Variants in MTA3 observed in about 807,000 individuals in gnomAD.
The protein encoded by MTA3 is metastasis-associated protein MTA3.
In MTA3, 34 loss-of-function variants were observed where a neutral mutation model predicts 83.5. The ratio of observed to expected loss-of-function variants is 0.41; its 90% confidence interval spans 0.31 to 0.54. MTA3 has a LOEUF of 0.54. MTA3 is among the 20% of genes least tolerant of loss of function. The pLI is 0.33. For missense variants in MTA3, 761 were observed against 726.4 expected (o/e 1.05, Z -0.55); for synonymous variants, 303 against 252.7 (o/e 1.20, Z -1.89).
chr2:42,670,623 C>T (rs1399251051), intron 8 of MTA3, among the ~76,000 whole-genome samples: 1 of 151,824 alleles, frequency 6.6e-6, no homozygotes, highest in African/African-American at 2.4e-5. Flanking sequence ...GTAAACTGGC[C>T]CCTTCTGATT....
At chr2:42,567,516 G>A (rs1677970665), upstream of MTA3, among the ~76,000 whole-genome samples, 1 of 152,094 alleles carries the variant, frequency 6.6e-6, no homozygotes. Context: ...TTCCAAACAA[G>A]CCACCACACC....
chr2:42,681,962 TTTGGGAGGCTATA>T (rs1298734634), intron 8 of MTA3, among the ~76,000 whole-genome samples: 1 of 151,710 alleles, frequency 6.6e-6, no homozygotes, highest in African/African-American at 2.4e-5. Flanking sequence ...ATCCTAGTGC[TTTGGGAGGCTATA>T]GTGGGAGGAT....
At chr2:42,542,310 C>T (rs916559463) in intron 2 of MTA3, among the ~76,000 whole-genome samples, 8 of 152,086 alleles carry the variant, frequency 5.3e-5, no homozygotes, top group Admixed American at 2.6e-4. Flanking sequence ...CAATGCAAGT[C>T]GTGGGCTTTC....
In MTA3 at chr2:42,687,186, C is replaced by T. The variant is rs984997577; in HGVS notation, c.891+4597C>T. Among the ~76,000 whole-genome samples, 5 of 152,112 alleles carry T rather than the reference C, an allele frequency of 3.3e-5. No homozygotes were observed. In the South Asian group the frequency reaches 8.3e-4, roughly 25 times the overall value. On this transcript the variant is annotated intron_variant, in intron 9 of 16. Transcript: ENST00000405094. The stretch of plus-strand genomic sequence containing the variant: ...CACAGTACAGTTTCATCACCTCTCC[C>T]GTCAAGTCTCCCCTTTTATAGTCAA...
At chr2:42,603,483 A>G (rs745566614) in intron 3 of MTA3, among the ~76,000 whole-genome samples, 114 of 152,206 alleles carry the variant, frequency 7.5e-4, no homozygotes, top group Non-Finnish European at 1.1e-3. Flanking sequence ...TGCCCGATGC[A>G]GTGTTCTTTG....
intron 3 of MTA3, among the ~76,000 whole-genome samples, chr2:42,607,195 G>A (rs947232249): frequency 6.6e-6 from 1 of 152,026 alleles, no homozygotes; most frequent in Non-Finnish European, 1.5e-5. Flanking sequence ...TGGATACAAA[G>A]ATAAGTGACC....
chr2:42,564,185 C>T (rs1459323547), upstream of MTA3, among the ~76,000 whole-genome samples: 3 of 152,266 alleles, frequency 2.0e-5, no homozygotes, highest in South Asian at 2.1e-4. Context: ...TTAGGTTAAC[C>T]ACCCAGAGGC....
At chr2:42,705,493 T>A (rs1273772346) in intron 12 of MTA3, among the ~76,000 whole-genome samples, 5 of 151,700 alleles carry the variant, frequency 3.3e-5, no homozygotes, top group Non-Finnish European at 5.9e-5. Flanking sequence ...TCACCTGAGG[T>A]CAGGAGTTCG....
At chr2:42,635,393 C>T (rs577828818) in intron 4 of MTA3, among the ~76,000 whole-genome samples, 5 of 152,034 alleles carry the variant, frequency 3.3e-5, no homozygotes, top group South Asian at 2.1e-4. Context: ...TTTGGGAGGC[C>T]GAGGCGGGTG....
In MTA3 at chr2:42,754,412, GAC is replaced by G. The variant is rs1670100619; in HGVS notation, c.*1014_*1015del. On this transcript the variant is annotated 3_prime_UTR_variant, in exon 17 of 17. Coordinates refer to ENST00000405094, the MANE Select transcript of MTA3 (RefSeq NM_001330442.2). ...AGCCCAACATCTTGTGAGCACATGT[GAC>G]CTAGGCCCCGGGGGACCTGCCTGCT... 12 of 985,392 alleles carry G rather than the reference GAC, an allele frequency of 1.2e-5. No individual in the cohort carries two copies. In the South Asian group the frequency reaches 4.7e-4, roughly 39 times the overall value. The allele number at this position is 985,392 out of a possible 1,614,324, so 61.0% of individuals were successfully genotyped here.
At chr2:42,682,624 A>T in intron 9 of MTA3, 35 bp downstream of exon 9, 1 of 1,542,584 alleles carries the variant, frequency 6.5e-7, no homozygotes, top group East Asian at 2.3e-5. Context: ...TAAAATGTTG[A>T]GATGGGAATA....
At chr2:42,539,150 G>A (rs559888618) in intron 2 of MTA3, among the ~76,000 whole-genome samples, 67 of 152,160 alleles carry the variant, frequency 4.4e-4, no homozygotes, top group Non-Finnish European at 7.8e-4. Flanking sequence ...CTTTAGGTTA[G>A]TTCCTTAGTT....
chr2:42,528,227 CTT>C (rs35269830), intron 2 of MTA3, among the ~76,000 whole-genome samples: 4 of 146,132 alleles, frequency 2.7e-5, no homozygotes, highest in Admixed American at 6.9e-5. Context: ...GCCCGGCCCC[CTT>C]TTTTTTTTGG....
intron 2 of MTA3, among the ~76,000 whole-genome samples, chr2:42,501,038 C>G (rs1340006178): frequency 6.6e-6 from 1 of 152,126 alleles, no homozygotes; most frequent in Non-Finnish European, 1.5e-5. Flanking sequence ...TCTCCATCTC[C>G]TGACCTCATG....
intron 14 of MTA3, among the ~76,000 whole-genome samples, chr2:42,713,291 C>T (rs1438632903): frequency 6.6e-6 from 1 of 152,166 alleles, no homozygotes; most frequent in East Asian, 1.9e-4. Context: ...GGAAGTATCT[C>T]AAGACCCCAC....
intron 12 of MTA3, 143 bp from the exon 13 acceptor site, chr2:42,707,760 A>T (rs999251088): frequency 1.4e-5 from 12 of 851,506 alleles, no homozygotes; most frequent in Admixed American, 1.0e-4. Flanking sequence ...AAACAAATAT[A>T]CTATTATGTT....
intron 8 of MTA3, among the ~76,000 whole-genome samples, chr2:42,666,958 GTGA>G (rs1188618584): frequency 1.3e-5 from 2 of 152,198 alleles, no homozygotes; most frequent in Non-Finnish European, 2.9e-5. Flanking sequence ...ATCACTAAGA[GTGA>G]TGTGTATATG....
intron 11 of MTA3, among the ~76,000 whole-genome samples, chr2:42,698,962 C>T (rs1466679189): frequency 2.6e-5 from 4 of 152,086 alleles, no homozygotes; most frequent in Admixed American, 6.6e-5. Context: ...AAATAAAATA[C>T]TGTTGCAACT....
intron 3 of MTA3, among the ~76,000 whole-genome samples, chr2:42,593,840 G>C (rs535687788): frequency 6.6e-6 from 1 of 152,046 alleles, no homozygotes. Context: ...TATATGCATT[G>C]TGATTTTGAC....
Sources: allele counts gnomAD v4.1 joint callset (sites outside exome capture counted in the v4.1 genomes callset), GRCh38; gene constraint gnomAD v4.1.1; transcripts MANE v1.5; gene names NCBI Gene and HGNC (gene_info 2026-07-23, HGNC 2026-07-21).